Variants in ENTPD1 observed in about 807,000 individuals in gnomAD.
The protein encoded by ENTPD1 is ATP diphosphohydrolase.
In ENTPD1, 33 loss-of-function variants were observed where a neutral mutation model predicts 57.0. The ratio of observed to expected loss-of-function variants is 0.58; its 90% CI spans 0.44 to 0.77. The LOEUF (loss-of-function observed/expected upper bound fraction) is 0.77. Ranked by LOEUF, ENTPD1 falls within the 30% of genes least tolerant of loss-of-function variation. The probability of loss-of-function intolerance (pLI) is 0.00; values close to 1 mark genes in which losing one functional copy is unlikely to be tolerated. For missense variants in ENTPD1, 501 were observed against 603.4 expected (o/e 0.83, Z 1.78); for synonymous variants, 202 against 218.8 (o/e 0.92, Z 0.68).
chr10:95,717,715 T>C (rs987786982), intron 1 of ENTPD1, among the ~76,000 whole-genome samples: 3 of 152,114 alleles, frequency 2.0e-5, no homozygotes, highest in African/African-American at 7.2e-5. Context: ...AAAACCCAAG[T>C]GCTGTTGGGG....
chr10:95,755,012 T>C (rs2098018839), upstream of ENTPD1: 1 of 152,220 alleles, frequency 6.6e-6, no homozygotes, highest in South Asian at 2.1e-4. Flanking sequence ...TAACTGGCTT[T>C]AGATACAAAT....
chr10:95,707,027 C>T (rs533102449), upstream of ENTPD1, among the ~76,000 whole-genome samples: 11 of 152,320 alleles, frequency 7.2e-5, no homozygotes, highest in South Asian at 2.1e-3. Flanking sequence ...CCCGAGGGTG[C>T]AGGCTGCAGA....
At chr10:95,808,627 A>G (rs926259929) in intron 1 of ENTPD1, among the ~76,000 whole-genome samples, 2 of 151,848 alleles carry the variant, frequency 1.3e-5, no homozygotes, top group South Asian at 2.1e-4. Flanking sequence ...AGGGGAAAAA[A>G]CTTTCAAGGA....
At chr10:95,855,378 G>A (rs1590172503) in intron 7 of ENTPD1, among the ~76,000 whole-genome samples, 5 of 151,748 alleles carry the variant, frequency 3.3e-5, no homozygotes, top group African/African-American at 1.2e-4. Flanking sequence ...GATGGGTCTT[G>A]ACTCTTTATC....
chr10:95,827,698 G>A (rs1287499708), intron 2 of ENTPD1, among the ~76,000 whole-genome samples: 3 of 152,006 alleles, frequency 2.0e-5, no homozygotes, highest in Non-Finnish European at 4.4e-5. Context: ...TGGCCAGGAT[G>A]GTCTCCATCT....
At chr10:95,694,479 T>C in the ENTPD1 span, among the ~76,000 whole-genome samples, 1 of 151,046 alleles carries the variant, frequency 6.6e-6, no homozygotes, top group African/African-American at 2.4e-5. Context: ...ATTTTAACAT[T>C]GAGAAATTTT....
intron 1 of ENTPD1, among the ~76,000 whole-genome samples, chr10:95,758,376 A>T (rs2098039534): frequency 6.6e-6 from 1 of 152,236 alleles, no homozygotes; most frequent in South Asian, 2.1e-4. Flanking sequence ...TGAGGGATTC[A>T]TGCAAAGTTT....
At chr10:95,836,171 C>T (rs1305006815) in intron 2 of ENTPD1, among the ~76,000 whole-genome samples, 1 of 152,094 alleles carries the variant, frequency 6.6e-6, no homozygotes, top group Non-Finnish European at 1.5e-5. Context: ...CTATTCTGTT[C>T]CATTGATCTA....
intron 1 of ENTPD1, among the ~76,000 whole-genome samples, chr10:95,821,301 G>T (rs566643152): frequency 4.0e-4 from 61 of 152,322 alleles, no homozygotes; most frequent in African/African-American, 1.4e-3. Context: ...GGAAGGATGG[G>T]CTCAGCATTT....
chr10:95,830,910 G>T (rs1362147902), intron 2 of ENTPD1, among the ~76,000 whole-genome samples: 1 of 152,230 alleles, frequency 6.6e-6, no homozygotes, highest in East Asian at 1.9e-4. Context: ...TTCATACAAG[G>T]AAGTGATGCC....
At chr10:95,695,416 C>T in the ENTPD1 span, among the ~76,000 whole-genome samples, 1 of 152,114 alleles carries the variant, frequency 6.6e-6, no homozygotes, top group Non-Finnish European at 1.5e-5. Context: ...AAATCTAGTA[C>T]ACTTACCTAA....
chr10:95,773,592 GCTTAAA>G (rs1237605713), intron 1 of ENTPD1, among the ~76,000 whole-genome samples: 1 of 152,010 alleles, frequency 6.6e-6, no homozygotes, highest in Admixed American at 6.6e-5. Context: ...ATTAATAATG[GCTTAAA>G]CTTAAAGTCA....
At position 95,796,743 on chromosome 10, in the gene ENTPD1, A is replaced by C. The variant is rs112787599; in HGVS notation, c.17-26494A>C. Among the ~76,000 whole-genome samples, 547 of 152,282 alleles carry C rather than the reference A, an allele frequency of 3.6e-3. 6 individuals carry two copies. Among genetic ancestry groups the C allele is most frequent in the African/African-American group, 0.011 (456 of 41,540 alleles). Reference sequence around the variant, plus strand: ...GAAGGGGAAGTACCTAGAGGTGGGGAGGACTCTACAGAAGTTATTGTAGGA... The same window carrying C: ...GAAGGGGAAGTACCTAGAGGTGGGGCGGACTCTACAGAAGTTATTGTAGGA... On this transcript the variant is annotated intron_variant, in intron 1 of 9. Coordinates refer to ENST00000371205, the MANE Select transcript of ENTPD1 (RefSeq NM_001776.6).
At chr10:95,694,895 ATTTT>A in the ENTPD1 span, among the ~76,000 whole-genome samples, 14 of 98,738 alleles carry the variant, frequency 1.4e-4, no homozygotes, top group African/African-American at 4.9e-4. Flanking sequence ...TGAGGAGCTG[ATTTT>A]TTTTTTTTTT....
chr10:95,845,570 T>C lies in ENTPD1; in HGVS notation c.787T>C (p.Trp263Arg), dbSNP rs1452483986. 36 of 1,614,240 alleles carry C rather than the reference T, an allele frequency of 2.2e-5. No homozygotes were observed. The highest frequency in any genetic ancestry group is 3.1e-5 in the Non-Finnish European group (36 of 1,180,034). ...FLCYGKDQAL[W>R]QKLAKDIQVA... ...GTGCTATGGGAAGGATCAGGCACTC[T>C]GGCAGAAACTGGCCAAGGACATTCA... The change falls in exon 6 of 10, where the codon TGG becomes CGG. Residue 263 changes from tryptophan (W) to arginine (R), a missense_variant. Physicochemically the swap from Trp to Arg is moderately radical, Grantham distance 101. Coordinates refer to ENST00000371205, the MANE Select transcript of ENTPD1 (RefSeq NM_001776.6).
At chr10:95,694,735 C>G in the ENTPD1 span, among the ~76,000 whole-genome samples, 1 of 151,944 alleles carries the variant, frequency 6.6e-6, no homozygotes, top group South Asian at 2.1e-4. Flanking sequence ...TTGTTCTTCC[C>G]GGGAATGGCG....
At chr10:95,806,702 G>T (rs1044220666) in intron 1 of ENTPD1, among the ~76,000 whole-genome samples, 1 of 152,182 alleles carries the variant, frequency 6.6e-6, no homozygotes, top group African/African-American at 2.4e-5. Context: ...TGATGTTGAT[G>T]CTATTTCCTT....
chr10:95,729,331 A>C (rs916990780), intron 1 of ENTPD1, among the ~76,000 whole-genome samples: 1 of 152,150 alleles, frequency 6.6e-6, no homozygotes, highest in Admixed American at 6.6e-5. Context: ...TTAGAAAGTA[A>C]TTTCCTTTAA....
At chr10:95,792,980 G>A (rs1175932639) in intron 1 of ENTPD1, among the ~76,000 whole-genome samples, 2 of 152,160 alleles carry the variant, frequency 1.3e-5, no homozygotes, top group Non-Finnish European at 1.5e-5. Flanking sequence ...TCTTGCCAGG[G>A]TGCTGGTCTT....
Sources: allele counts gnomAD v4.1 joint callset (sites outside exome capture counted in the v4.1 genomes callset), GRCh38; gene constraint gnomAD v4.1.1; transcripts MANE v1.5; gene names NCBI Gene and HGNC (gene_info 2026-07-23, HGNC 2026-07-21).